Variants in UMODL1 observed in about 807,000 individuals in gnomAD.
The protein encoded by UMODL1 is uromodulin like 1.
A neutral mutation model predicts 136.3 loss-of-function variants in UMODL1; 128 were observed. The observed-to-expected ratio is 0.94, with a 90% confidence interval of 0.81 to 1.09. The LOEUF (loss-of-function observed/expected upper bound fraction) is 1.09. Among genes scored for constraint, UMODL1 ranks in the 50% least tolerant of loss-of-function variants. The pLI is 0.00. For synonymous variants in UMODL1, 721 were observed against 720.0 expected (o/e 1.00, Z -0.02); for missense variants, 1,766 against 1,725.6 (o/e 1.02, Z -0.41).
At chr21:42,133,849 G>A (rs1035471489) in intron 21 of UMODL1, among the ~76,000 whole-genome samples, 8 of 152,262 alleles carry the variant, frequency 5.3e-5, no homozygotes, top group African/African-American at 1.9e-4. Flanking sequence ...ATAAGGCCAT[G>A]CCCCACAGTA....
chr21:42,082,798 C>T (rs576310294), intron 2 of UMODL1, among the ~76,000 whole-genome samples: 9 of 152,340 alleles, frequency 5.9e-5, no homozygotes, highest in East Asian at 3.9e-4. Context: ...CCCTGGGGTT[C>T]GGTTTCTTCT....
At chr21:42,113,059 T>G (rs2066856911) in intron 12 of UMODL1, 1 of 153,042 alleles carries the variant, frequency 6.5e-6, no homozygotes, top group Non-Finnish European at 1.5e-5. Flanking sequence ...AAATGTGATC[T>G]TCCTCAATGC....
chr21:42,128,733 G>A (rs183746548), intron 20 of UMODL1, among the ~76,000 whole-genome samples: 3 of 152,212 alleles, frequency 2.0e-5, no homozygotes, highest in African/African-American at 7.2e-5. Flanking sequence ...GACAGCCACC[G>A]CCAGGCTTCG....
intron 1 of UMODL1, among the ~76,000 whole-genome samples, chr21:42,066,045 C>T (rs965659831): frequency 9.2e-5 from 14 of 152,200 alleles, no homozygotes; most frequent in African/African-American, 3.4e-4. Flanking sequence ...CATTCCTGAT[C>T]GTGGTGCTAA....
intron 9 of UMODL1, among the ~76,000 whole-genome samples, chr21:42,106,309 G>A (rs2066717152): frequency 6.6e-6 from 1 of 152,216 alleles, no homozygotes; most frequent in African/African-American, 2.4e-5. Context: ...TGTAGAAGAA[G>A]ACATTTGATA....
intron 6 of UMODL1, chr21:42,093,723 C>T (rs1010502828): frequency 5.6e-6 from 2 of 357,760 alleles, no homozygotes; most frequent in Non-Finnish European, 1.1e-5. Context: ...CCTGGTGCCC[C>T]GCAAAGAGCA....
chr21:42,115,635 C>T (rs953098111), intron 13 of UMODL1, among the ~76,000 whole-genome samples: 3 of 152,142 alleles, frequency 2.0e-5, no homozygotes, highest in East Asian at 1.9e-4. Context: ...GTTGCAGGGG[C>T]GAGCTGGCTC....
At position 42,085,796 on chromosome 21, in the gene UMODL1, C is replaced by T. The variant is rs562034378; in HGVS notation, c.603+384C>T. Among the ~76,000 whole-genome samples, 10 of 152,236 alleles carry T rather than the reference C, an allele frequency of 6.6e-5. No homozygotes were observed. The highest frequency in any genetic ancestry group is 2.2e-4 in the African/African-American group (9 of 41,526). On this transcript the variant is annotated intron_variant, in intron 4 of 22. Coordinates refer to ENST00000408910, the MANE Select transcript of UMODL1 (RefSeq NM_001004416.3). The surrounding 1 kb of genome is among the most constrained non-coding windows in gnomAD (Gnocchi z 4.5). ...TTTCTTCAAGTTCTGGCTCCTGCTT[C>T]GTGGAAGCCAGCACCAACCTGGGAG...
At chr21:42,109,952 A>C (rs974223455) in intron 10 of UMODL1, among the ~76,000 whole-genome samples, 29 of 152,338 alleles carry the variant, frequency 1.9e-4, no homozygotes, top group African/African-American at 6.7e-4. Flanking sequence ...ATAAAATGTA[A>C]TTTTTGATAG....
chr21:42,095,560 T>A (rs2066548200), intron 6 of UMODL1, among the ~76,000 whole-genome samples: 1 of 152,214 alleles, frequency 6.6e-6, no homozygotes, highest in Non-Finnish European at 1.5e-5. Flanking sequence ...CAGGATTATC[T>A]TTCCATCTGA....
At chr21:42,116,211 T>C (rs1014535114) in intron 14 of UMODL1, among the ~76,000 whole-genome samples, 1 of 145,274 alleles carries the variant, frequency 6.9e-6, no homozygotes, top group Non-Finnish European at 1.5e-5. Context: ...AAAATGAGCC[T>C]GTCATGGTGG....
chr21:42,142,394 A>C lies in UMODL1; in HGVS notation c.*320A>C, dbSNP rs2067294474. 1 of 152,206 alleles carries C rather than the reference A, an allele frequency of 6.6e-6. No individual in the cohort carries two copies. Among genetic ancestry groups the C allele is most frequent in the Non-Finnish European group, 1.5e-5 (1 of 68,110 alleles). The allele number at this position is 152,206 out of a possible 1,614,324, so 9.4% of individuals were successfully genotyped here. A position where few individuals can be genotyped will look rare whatever the true frequency, so the allele number is the denominator to read the frequency against. On this transcript the variant is annotated 3_prime_UTR_variant, in exon 23 of 23. Coordinates refer to ENST00000408910, the MANE Select transcript of UMODL1 (RefSeq NM_001004416.3). ...GCAGTCCTGGGGGTGCTGCGGCTAC[A>C]CCACCACCCGCGCGGCCCCCGCAGC...
chr21:42,074,864 A>T (rs2066269471), intron 1 of UMODL1, among the ~76,000 whole-genome samples: 1 of 151,756 alleles, frequency 6.6e-6, no homozygotes, highest in African/African-American at 2.4e-5. Context: ...AGCTGGGATT[A>T]CAGGCACCAG....
chr21:42,115,246 G>A (rs904399600), intron 13 of UMODL1, among the ~76,000 whole-genome samples: 4 of 152,216 alleles, frequency 2.6e-5, no homozygotes, highest in South Asian at 2.1e-4. Context: ...ATGGGATGGC[G>A]ACATTCCTGG....
At chr21:42,108,877 G>GC (rs1250716757) in intron 9 of UMODL1, among the ~76,000 whole-genome samples, 90 of 62,964 alleles carry the variant, frequency 1.4e-3, no homozygotes, top group East Asian at 3.2e-3. Context: ...CCCCACCCCC[G>GC]GCGTGGGAAG....
chr21:42,110,466 G>A lies in UMODL1; in HGVS notation c.1658-414G>A, dbSNP rs139066417. 3.4e-4 allele frequency among the ~76,000 whole-genome samples: 52 copies of A among 152,228 alleles called. No homozygotes were observed. In the East Asian group the frequency reaches 9.4e-3, roughly 28 times the overall value. On this transcript the variant is annotated intron_variant, in intron 10 of 22. Transcript: ENST00000408910. The stretch of plus-strand genomic sequence containing the variant: ...ACCTTGTCTTCTGTTTTTCTCATTC[G>A]CCTAATGTCCTGCAAGTCGATGACA...
At chr21:42,094,065 G>T (rs1171208161) in intron 6 of UMODL1, 1 of 412,606 alleles carries the variant, frequency 2.4e-6, no homozygotes, top group Admixed American at 2.7e-5. Context: ...TCAGTCATCC[G>T]GAAAAATATT....
intron 13 of UMODL1, 91 bp downstream of exon 13, chr21:42,113,921 T>G: frequency 6.7e-7 from 1 of 1,490,506 alleles, no homozygotes. Flanking sequence ...TGGATTTGTT[T>G]ATGGGCTGCT....
chr21:42,088,504 T>TCAACCCTCCCTCCCACCTCC (rs2146447263), intron 5 of UMODL1, 24 bp downstream of exon 5: 2 of 1,578,300 alleles, frequency 1.3e-6, no homozygotes, highest in East Asian at 4.5e-5. Flanking sequence ...CAATCCTCCC[T>TCAACCCTCCCTCCCACCTCC]CTGGGGAGGC....
Sources: gnomAD v4.1 joint callset for allele counts (sites outside exome capture counted in the v4.1 genomes callset) on GRCh38, gnomAD v4.1.1 for gene constraint, Gnocchi (gnomAD v3.1) non-coding constraint, MANE v1.5 for transcripts, NCBI Gene and HGNC (gene_info 2026-07-23, HGNC 2026-07-21) for gene names.